Variants in PRSS12 observed in about 807,000 individuals in gnomAD.
PRSS12 encodes serine protease 12, also known as neurotrypsin.
Under a neutral mutation model 104.4 loss-of-function variants are expected in PRSS12, and 85 were observed. The observed-to-expected ratio is 0.81, with a 90% CI of 0.68 to 0.98. The LOEUF is 0.98. PRSS12 is among the 50% of genes least tolerant of loss of function. The pLI is 0.00. For synonymous variants in PRSS12, 454 were observed against 425.2 expected, an observed-to-expected ratio of 1.07 and a Z score of -0.83; for missense variants, 1,141 against 1,139.2, an observed-to-expected ratio of 1.00 and a Z score of -0.02.
chr4:118,339,731 AC>A, intron 1 of PRSS12, among the ~76,000 whole-genome samples: 1 of 152,192 alleles, frequency 6.6e-6, no homozygotes, highest in East Asian at 1.9e-4. Flanking sequence ...AGTATGAACT[AC>A]AGAATATTTT....
intron 1 of PRSS12, among the ~76,000 whole-genome samples, chr4:118,349,224 C>A (rs1196048554): frequency 6.6e-6 from 1 of 152,042 alleles, no homozygotes; most frequent in Admixed American, 6.6e-5. Context: ...TTGTTATTTT[C>A]TTTTGCCCTG....
rs765067637 is a variant in PRSS12 at position 118,352,617 on chromosome 4, T to TGGC, written c.101_103dup (p.Arg34dup). The stretch of plus-strand genomic sequence containing the variant: ...GTAGTGCGGACCCGCAGGGGGCGAA[T>TGGC]GGCGGTGGCTGTGGTGGAGGGAATC... On this transcript the variant is annotated inframe_insertion, in exon 1 of 13. Coordinates refer to ENST00000296498, the MANE Select transcript of PRSS12 (RefSeq NM_003619.4). The TGGC allele has an allele frequency of 6.2e-7, 1 of 1,611,186 alleles. No individual in the cohort carries two copies. The highest frequency in any genetic ancestry group is 8.5e-7 in the Non-Finnish European group (1 of 1,178,968).
intron 8 of PRSS12, chr4:118,303,438 G>C (rs536303847): frequency 4.6e-5 from 7 of 152,220 alleles, no homozygotes; most frequent in South Asian, 4.1e-4. Flanking sequence ...GTAGAAATTA[G>C]AGAACATTTT....
chr4:118,295,881 T>C (rs1328761789), intron 9 of PRSS12, 25 bp from the exon 10 acceptor site: 1 of 1,587,266 alleles, frequency 6.3e-7, no homozygotes, highest in East Asian at 2.2e-5. Flanking sequence ...GGTCATTAAT[T>C]AAACTATCAC....
At chr4:118,295,627 AG>A in intron 10 of PRSS12, 150 bp downstream of exon 10, 1 of 763,126 alleles carries the variant, frequency 1.3e-6, no homozygotes, top group Admixed American at 2.2e-5. Context: ...CATAGGTCAA[AG>A]GACAGTGAAA....
intron 11 of PRSS12, 84 bp from the exon 12 acceptor site, chr4:118,283,195 C>A: frequency 6.6e-7 from 1 of 1,512,344 alleles, no homozygotes. Context: ...AAGATACAAG[C>A]CTTTCTTCCA....
intron 11 of PRSS12, among the ~76,000 whole-genome samples, chr4:118,292,285 T>C (rs2126027505): frequency 6.6e-6 from 1 of 152,284 alleles, no homozygotes; most frequent in Admixed American, 6.5e-5. Flanking sequence ...TTCTTCCCCA[T>C]CATCATTCTT....
At chr4:118,302,182 T>G (rs942948448) in intron 8 of PRSS12, among the ~76,000 whole-genome samples, 1 of 152,222 alleles carries the variant, frequency 6.6e-6, no homozygotes, top group Non-Finnish European at 1.5e-5. Flanking sequence ...ATGTCTCAGT[T>G]TGAATCACTC....
intron 8 of PRSS12, among the ~76,000 whole-genome samples, chr4:118,301,308 A>C (rs1743401713): frequency 6.6e-6 from 1 of 152,216 alleles, no homozygotes; most frequent in Non-Finnish European, 1.5e-5. Flanking sequence ...TTGCCTTTGA[A>C]AACACTTAAA....
Position 118,301,685 on chromosome 4 carries a change from A to C in PRSS12, c.1632-2747T>G, listed in dbSNP as rs79613650. ...TTTTCACATAGGTCTCAATTCTTAC[A>C]AAGTGTATTCCTAGTTTTTGTTTTG... is the stretch of plus-strand genomic sequence containing the variant. On this transcript the variant is annotated intron_variant, in intron 8 of 12. Transcript: ENST00000296498. Among the ~76,000 whole-genome samples, 179 of 152,314 alleles carry C rather than the reference A, an allele frequency of 1.2e-3. 1 individual carries two copies. Among genetic ancestry groups the C allele is most frequent in the East Asian group, 2.1e-3 (11 of 5,188 alleles).
chr4:118,346,928 G>A (rs991307284), intron 1 of PRSS12, among the ~76,000 whole-genome samples: 2 of 152,078 alleles, frequency 1.3e-5, no homozygotes, highest in African/African-American at 4.8e-5. Context: ...GTTGGGGACT[G>A]GTGTCTTAAC....
chr4:118,288,351 G>C (rs1025142443), intron 11 of PRSS12, among the ~76,000 whole-genome samples: 9 of 152,122 alleles, frequency 5.9e-5, no homozygotes, highest in African/African-American at 2.2e-4. Flanking sequence ...ATTACCAAAG[G>C]CTATGTTCCT....
chr4:118,298,236 C>T (rs1425007708), intron 9 of PRSS12, among the ~76,000 whole-genome samples: 1 of 151,658 alleles, frequency 6.6e-6, no homozygotes, highest in Non-Finnish European at 1.5e-5. Context: ...GAAAGGATTA[C>T]TTATCATTTT....
At chr4:118,316,047 TG>T (rs1560775378) in intron 6 of PRSS12, 134 bp downstream of exon 6, 3 of 952,704 alleles carry the variant, frequency 3.1e-6, no homozygotes, top group African/African-American at 1.7e-5. Context: ...TATTTTTCAT[TG>T]TTGTACTTCC....
chr4:118,352,339 C>A lies in PRSS12; in HGVS notation c.382G>T (p.Ala128Ser), dbSNP rs548349152. ...FLERSPPASW[A>S]QLRGQRHNFC... ...TTGTGGCGCTGTCCTCGCAGCTGAG[C>A]CCAGCTCGCTGGGGGCGACCGCTCC... is the stretch of plus-strand genomic sequence containing the variant. The change falls in exon 1 of 13, where the codon GCT (alanine) becomes TCT (serine). Residue 128 changes from alanine to serine, a missense_variant. Transcript: ENST00000296498. 36 of 1,582,682 alleles carry A rather than the reference C, an allele frequency of 2.3e-5. No individual in the cohort carries two copies. The African/African-American group carries it at 4.7e-4, about 21-fold the overall frequency.
chr4:118,313,569 CAT>C (rs1397574221), intron 6 of PRSS12, among the ~76,000 whole-genome samples, 172 bp from the exon 7 acceptor site: 22 of 152,286 alleles, frequency 1.4e-4, no homozygotes, highest in Middle Eastern at 6.8e-3. Context: ...CAGCCCATCA[CAT>C]GTTTTAATCA....
intron 5 of PRSS12, among the ~76,000 whole-genome samples, chr4:118,316,570 C>T (rs191129121): frequency 4.3e-4 from 65 of 150,586 alleles, no homozygotes; most frequent in Non-Finnish European, 8.6e-4. Flanking sequence ...TCCTGTAATC[C>T]CAGCATTTCG....
chr4:118,323,550 G>T (rs1723688333), intron 4 of PRSS12, among the ~76,000 whole-genome samples: 2 of 151,614 alleles, frequency 1.3e-5, no homozygotes, highest in Admixed American at 1.3e-4. Flanking sequence ...AGAAAGAAAA[G>T]AAAACTAAAA....
At chr4:118,306,539 G>A (rs1743558560) in intron 8 of PRSS12, among the ~76,000 whole-genome samples, 3 of 152,054 alleles carry the variant, frequency 2.0e-5, no homozygotes, top group Admixed American at 2.0e-4. Flanking sequence ...AAAGCGGGGT[G>A]GGAGGGTGCC....
Sources: allele counts gnomAD v4.1 joint callset (sites outside exome capture counted in the v4.1 genomes callset), GRCh38; gene constraint gnomAD v4.1.1; transcripts MANE v1.5; gene names NCBI Gene and HGNC (gene_info 2026-07-23, HGNC 2026-07-21).